Variants in RBBP8 observed in about 807,000 individuals in gnomAD.
RBBP8 encodes DNA endonuclease RBBP8.
RBBP8 carries 88 observed loss-of-function variants against 108.3 expected under a neutral mutation model. That is an observed-to-expected ratio of 0.81 (90% CI 0.68 to 0.97). The LOEUF (loss-of-function observed/expected upper bound fraction) is 0.97, where lower values mean the gene tolerates loss of function less well. Among genes scored for constraint, RBBP8 ranks in the 50% least tolerant of loss-of-function variants. RBBP8 has a pLI of 0.00. For missense variants in RBBP8, 1,023 were observed against 1,049.0 expected, an observed-to-expected ratio of 0.98 and a Z score of 0.34; for synonymous variants, 332 against 348.2, an observed-to-expected ratio of 0.95 and a Z score of 0.52.
At chr18:23,005,708 C>T (rs1330776238) in intron 15 of RBBP8, among the ~76,000 whole-genome samples, 8 of 152,032 alleles carry the variant, frequency 5.3e-5, no homozygotes, top group Non-Finnish European at 1.0e-4. Context: ...CCACCACACC[C>T]GGCCAAAATT....
At chr18:23,010,906 C>T (rs576676190) in intron 16 of RBBP8, among the ~76,000 whole-genome samples, 2 of 152,260 alleles carry the variant, frequency 1.3e-5, no homozygotes, top group South Asian at 2.1e-4. Context: ...AGATTCCCTA[C>T]GTCACGATAA....
chr18:22,956,805 T>C (rs1045339501), intron 4 of RBBP8, among the ~76,000 whole-genome samples: 11 of 152,218 alleles, frequency 7.2e-5, no homozygotes, highest in Non-Finnish European at 1.2e-4. Context: ...GGCTCATTTA[T>C]GTTTAATGAT....
At chr18:22,973,752 T>C (rs1012675296) in intron 5 of RBBP8, among the ~76,000 whole-genome samples, 1 of 152,242 alleles carries the variant, frequency 6.6e-6, no homozygotes, top group Non-Finnish European at 1.5e-5. Flanking sequence ...TGATTCTCTC[T>C]GTAGAATAAT....
In RBBP8 at chr18:22,944,342, CATT is replaced by C. The variant is rs201410167; in HGVS notation, c.110-2101_110-2099del. ...TGAAGTTTATATGGATTTTCTGTCT[CATT>C]GTTTCTTTTCTTAAAATGGTTTGTG... is the stretch of plus-strand genomic sequence containing the variant. On this transcript the variant is annotated intron_variant, in intron 2 of 18. Transcript: ENST00000327155. 2.2e-4 allele frequency among the ~76,000 whole-genome samples: 34 copies of C among 152,262 alleles called. No individual in the cohort carries two copies. In the East Asian group the frequency reaches 6.0e-3, roughly 27 times the overall value.
At chr18:22,967,704 T>C (rs1913734266) in intron 4 of RBBP8, among the ~76,000 whole-genome samples, 1 of 150,234 alleles carries the variant, frequency 6.7e-6, no homozygotes, top group African/African-American at 2.5e-5. Context: ...TGGAGTGCAG[T>C]GGTGCAATCT....
At chr18:22,952,103 TAGG>T (rs1320115560) in intron 4 of RBBP8, among the ~76,000 whole-genome samples, 2 of 152,128 alleles carry the variant, frequency 1.3e-5, no homozygotes, top group Admixed American at 6.5e-5. Flanking sequence ...GGATGAGTGA[TAGG>T]AGTGAGATTG....
rs766865951 is a variant in RBBP8 at position 22,997,652 on chromosome 18, A to G, written c.2061A>G (p.Thr687=). The change falls in exon 14 of 19, where the codon ACA becomes ACG. Residue 687 remains threonine (T), a synonymous_variant. Transcript: ENST00000327155. The part of the protein sequence containing the change: ...DGSQSKLGGE[T]VDMDCTLVSE... ...GTCAGTCAAAATTAGGAGGAGAGAC[A>G]GTGGACATGGACTGTACATTGGTTA... is the stretch of plus-strand genomic sequence containing the variant. 3 of 1,609,424 alleles carry G rather than the reference A, an allele frequency of 1.9e-6. No individual in the cohort carries two copies. The highest frequency in any genetic ancestry group is 1.7e-5 in the Admixed American group (1 of 59,798).
At chr18:22,937,073 G>A (rs1268751204) in intron 2 of RBBP8, 113 bp downstream of exon 2, 4 of 1,526,786 alleles carry the variant, frequency 2.6e-6, no homozygotes, top group Non-Finnish European at 3.5e-6. Context: ...TTAGGTTCCG[G>A]GGGTACATGT....
intron 6 of RBBP8, among the ~76,000 whole-genome samples, chr18:22,978,774 A>G (rs944556666): frequency 1.3e-5 from 2 of 152,218 alleles, no homozygotes; most frequent in African/African-American, 2.4e-5. Flanking sequence ...TATCAGATCT[A>G]TTGCACAGAA....
intron 16 of RBBP8, among the ~76,000 whole-genome samples, chr18:23,016,099 A>G (rs8091913): frequency 0.19 from 29,121 of 151,942 alleles, 4,059 homozygotes; most frequent in African/African-American, 0.4. Flanking sequence ...TAACACAGAC[A>G]TGGTTTTGTC....
At chr18:22,982,144 G>C in intron 6 of RBBP8, 74 bp from the exon 7 acceptor site, 2 of 1,470,136 alleles carry the variant, frequency 1.4e-6, no homozygotes, top group Non-Finnish European at 1.9e-6. Context: ...GTGTTCTACT[G>C]TAACTCCATG....
At chr18:22,947,604 C>G (rs1375509066) in intron 3 of RBBP8, among the ~76,000 whole-genome samples, 2 of 152,076 alleles carry the variant, frequency 1.3e-5, no homozygotes, top group Non-Finnish European at 2.9e-5. Flanking sequence ...TAAAATGCTG[C>G]TAATGGCATT....
chr18:22,980,288 A>G (rs1319866556), intron 6 of RBBP8, among the ~76,000 whole-genome samples: 2 of 152,180 alleles, frequency 1.3e-5, no homozygotes, highest in Non-Finnish European at 2.9e-5. Flanking sequence ...ATTGCATACT[A>G]TGTTAAAAAG....
At position 22,961,645 on chromosome 18, in the gene RBBP8, A is replaced by G. The variant is rs544320427; in HGVS notation, c.249-7161A>G. The stretch of plus-strand genomic sequence containing the variant: ...CCAACACAAATTTGTAAACTTTCTT[A>G]AAACATTATGAAATTTGTTTGACTT... On this transcript the variant is annotated intron_variant, in intron 4 of 18. Coordinates refer to ENST00000327155, the MANE Select transcript of RBBP8 (RefSeq NM_002894.3). 4.6e-5 allele frequency among the ~76,000 whole-genome samples: 7 copies of G among 152,314 alleles called. 1 individual carries two copies. In the East Asian group the frequency reaches 7.7e-4, roughly 17 times the overall value.
At chr18:22,947,653 A>G (rs1178310607) in intron 3 of RBBP8, among the ~76,000 whole-genome samples, 2 of 152,080 alleles carry the variant, frequency 1.3e-5, no homozygotes, top group Admixed American at 1.3e-4. Flanking sequence ...TTGGTGTAGT[A>G]ATAACTCTTC....
chr18:22,949,648 C>G lies in RBBP8; in HGVS notation c.183C>G (p.Thr61=). Residue 61 remains threonine (T), a synonymous_variant, in exon 4 of 19, where the codon ACC becomes ACG. Coordinates refer to ENST00000327155, the MANE Select transcript of RBBP8 (RefSeq NM_002894.3). ...LDAQRLEEFF[T]KNQQLREQQK... is the part of the protein sequence containing the mutation. ...CACAAAGACTAGAAGAATTCTTCAC[C>G]AAAAATCAACAGCTGAGGGAACAGC... 1 of 1,613,010 alleles carries G rather than the reference C, an allele frequency of 6.2e-7. No homozygotes were observed. Among genetic ancestry groups the G allele is most frequent in the East Asian group, 2.2e-5 (1 of 44,780 alleles).
chr18:22,923,484 CTTCT>C (rs1909675662), intron 3 of RBBP8, among the ~76,000 whole-genome samples: 2 of 152,174 alleles, frequency 1.3e-5, no homozygotes, highest in African/African-American at 2.4e-5. Context: ...TCTCTTAATT[CTTCT>C]TTAAGAAATT....
intron 4 of RBBP8, among the ~76,000 whole-genome samples, chr18:22,961,761 T>C (rs1397873779): frequency 6.6e-6 from 1 of 152,200 alleles, no homozygotes; most frequent in Non-Finnish European, 1.5e-5. Context: ...GGACACCCCG[T>C]TCTAAAGCTT....
intron 7 of RBBP8, among the ~76,000 whole-genome samples, chr18:22,983,169 C>T (rs4265922): frequency 0.21 from 31,775 of 152,144 alleles, 3,614 homozygotes; most frequent in East Asian, 0.4. Context: ...TGCCATGATA[C>T]AAGTATTACT....
Sources: gnomAD v4.1 joint callset for allele counts (sites outside exome capture counted in the v4.1 genomes callset) on GRCh38, gnomAD v4.1.1 for gene constraint, MANE v1.5 for transcripts, NCBI Gene and HGNC (gene_info 2026-07-23, HGNC 2026-07-21) for gene names.